Variants in MARS1 observed in about 807,000 individuals in gnomAD.
MARS1 encodes methionine--tRNA ligase, cytoplasmic.
MARS1 carries 80 observed loss-of-function variants against 119.5 expected under a neutral mutation model. The observed-to-expected ratio is 0.67, with a 90% CI of 0.56 to 0.81. The LOEUF is 0.81. Ranked by LOEUF, MARS1 falls within the 30% of genes least tolerant of loss-of-function variation. MARS1 has a pLI of 0.00. For synonymous variants in MARS1, 418 were observed against 433.4 expected (o/e 0.96, Z 0.44); for missense variants, 945 against 1,116.5 (o/e 0.85, Z 2.19).
At chr12:57,508,903 T>C (rs1311421742) in intron 11 of MARS1, among the ~76,000 whole-genome samples, 1 of 152,202 alleles carries the variant, frequency 6.6e-6, no homozygotes, top group Non-Finnish European at 1.5e-5. Context: ...ACTTTGCTCT[T>C]CGTGAACAAA....
chr12:57,512,263 G>T lies in MARS1; in HGVS notation c.1663G>T (p.Asp555Tyr). Reference sequence around the variant, plus strand: ...GGACCTGTATCAGTTCATGGCCAAAGACAATGTTCCTTTCCATAGCTTAGT... The same window carrying T: ...GGACCTGTATCAGTTCATGGCCAAATACAATGTTCCTTTCCATAGCTTAGT... ...QVDLYQFMAK[D>Y]NVPFHSLVFP... is the part of the protein sequence containing the mutation. The change falls in exon 14 of 21, where the codon GAC becomes TAC. Residue 555 changes from aspartate (D) to tyrosine (Y), a missense_variant. Coordinates refer to ENST00000262027, the MANE Select transcript of MARS1 (RefSeq NM_004990.4). The T allele has an allele frequency of 6.2e-7, 1 of 1,614,144 alleles. No individual in the cohort carries two copies. The highest frequency in any genetic ancestry group is 1.1e-5 in the South Asian group (1 of 91,084).
At chr12:57,490,482 T>G (rs1843408336) in intron 6 of MARS1, 56 bp from the exon 7 acceptor site, 1 of 1,610,356 alleles carries the variant, frequency 6.2e-7, no homozygotes, top group African/African-American at 1.3e-5. Context: ...AGGAGAAAGT[T>G]TCTTTACCCT....
chr12:57,504,053 A>C, intron 10 of MARS1, 172 bp from the exon 11 acceptor site: 1 of 601,016 alleles, frequency 1.7e-6, no homozygotes, highest in South Asian at 2.0e-5. Context: ...TATACTGAGA[A>C]GATTTGAGTC....
intron 7 of MARS1, 94 bp downstream of exon 7, chr12:57,490,738 C>T: frequency 1.2e-6 from 1 of 817,854 alleles, no homozygotes; most frequent in Non-Finnish European, 2.0e-6. Flanking sequence ...GTTTGCTGAT[C>T]TCTCTTTAAT....
In MARS1 at chr12:57,490,216, G is replaced by A. The variant is rs1468771061; in HGVS notation, c.500G>A (p.Ser167Asn). ...TCTTCCATACCCACAGAGGAGCTGA[G>A]TGCCCTGCACAGCTGGTTCCAGACA... is the stretch of plus-strand genomic sequence containing the variant. ...QDPAYLPEEL[S>N]ALHSWFQTLS... The change falls in exon 6 of 21, where the codon AGT becomes AAT. Residue 167 changes from serine to asparagine, a missense_variant. Physicochemically the swap from Ser to Asn is conservative, Grantham distance 46. Transcript: ENST00000262027. 1.9e-6 allele frequency: 3 copies of A among 1,612,826 alleles called. No homozygotes were observed. The highest frequency in any genetic ancestry group is 1.1e-5 in the South Asian group (1 of 90,938).
At chr12:57,491,701 C>T (rs1325171188) in intron 7 of MARS1, among the ~76,000 whole-genome samples, 2 of 152,108 alleles carry the variant, frequency 1.3e-5, no homozygotes, top group Non-Finnish European at 2.9e-5. Flanking sequence ...TTCACAAGGC[C>T]CCTGACTGCA....
In MARS1 at chr12:57,489,301, G is replaced by A. The variant is rs1875738455; in HGVS notation, c.235G>A (p.Asp79Asn). 6.2e-7 allele frequency: 1 copy of A among 1,613,832 alleles called. No individual in the cohort carries two copies. The highest frequency in any genetic ancestry group is 8.5e-7 in the Non-Finnish European group (1 of 1,180,014). ...FFLLSGWEQD[D>N]LTNQWLEWEA... Reference sequence around the variant, plus strand: ...TTTGTTATCTGGCTGGGAGCAAGATGACCTCACTAACCAGTGGCTGGAATG... The same window carrying A: ...TTTGTTATCTGGCTGGGAGCAAGATAACCTCACTAACCAGTGGCTGGAATG... Residue 79 changes from aspartate to asparagine, a missense_variant, in exon 3 of 21, where the codon GAC becomes AAC. Coordinates refer to ENST00000262027, the MANE Select transcript of MARS1 (RefSeq NM_004990.4).
Position 57,514,905 on chromosome 12 carries a change from AT to A in MARS1, c.2100-47del. 3 of 1,613,734 alleles carry A rather than the reference AT, an allele frequency of 1.9e-6. No individual in the cohort carries two copies. The South Asian group carries it at 3.3e-5, about 18-fold the overall frequency. ...GCTGGCATGTTGAGAGCCTCCTTGT[AT>A]TGGTCTCTGTAGGACATTACACCTT... On this transcript the variant is annotated intron_variant, in intron 16 of 20. Transcript: ENST00000262027.
At chr12:57,508,852 GC>G (rs1285204192) in intron 11 of MARS1, among the ~76,000 whole-genome samples, 24 of 152,270 alleles carry the variant, frequency 1.6e-4, no homozygotes, top group African/African-American at 5.8e-4. Context: ...GTAAGCCACT[GC>G]GCCCAGCCTT....
intron 10 of MARS1, among the ~76,000 whole-genome samples, chr12:57,503,350 C>T (rs1478086823): frequency 6.6e-6 from 1 of 151,676 alleles, no homozygotes; most frequent in East Asian, 1.9e-4. Flanking sequence ...TCTCCTGCCT[C>T]AGCCTCCTGA....
At chr12:57,492,543 T>C (rs1313687730) in intron 7 of MARS1, among the ~76,000 whole-genome samples, 2 of 150,624 alleles carry the variant, frequency 1.3e-5, no homozygotes, top group African/African-American at 2.4e-5. Context: ...CGGTGGCTCG[T>C]GCCTGTAATC....
chr12:57,514,710 C>T lies in MARS1; in HGVS notation c.1968-10C>T, dbSNP rs773836689. The T allele has an allele frequency of 6.8e-6, 11 of 1,613,894 alleles. No homozygotes were observed. The South Asian group carries it at 8.8e-5, about 13-fold the overall frequency. On this transcript the variant is annotated splice_polypyrimidine_tract_variant and intron_variant, in intron 15 of 20. Transcript: ENST00000262027. ...TTTTTTCCACTTCTGCTTTCCTACT[C>T]CCAACCAAGAGCTGGGATGTTTGTG...
chr12:57,495,486 G>A (rs1451010737), intron 7 of MARS1, among the ~76,000 whole-genome samples: 1 of 151,812 alleles, frequency 6.6e-6, no homozygotes, highest in African/African-American at 2.4e-5. Context: ...ACAGGTTGAC[G>A]GCGGGGAAGA....
chr12:57,511,581 T>C, intron 11 of MARS1, 117 bp from the exon 12 acceptor site: 3 of 1,023,078 alleles, frequency 2.9e-6, no homozygotes, highest in Non-Finnish European at 4.4e-6. Flanking sequence ...AGACTCTGTC[T>C]CCAAAAAAAA....
intron 1 of MARS1, chr12:57,488,438 G>A (rs1224696100): frequency 1.1e-6 from 1 of 887,154 alleles, no homozygotes; most frequent in Non-Finnish European, 1.7e-6. Flanking sequence ...CCGTCTTCCC[G>A]GTCCCCGCCT....
chr12:57,500,995 A>G (rs1222744600), intron 10 of MARS1, among the ~76,000 whole-genome samples: 1 of 152,260 alleles, frequency 6.6e-6, no homozygotes, highest in African/African-American at 2.4e-5. Context: ...ATGATATAGA[A>G]TAAACTGCCA....
chr12:57,512,975 G>C lies in MARS1; in HGVS notation c.1967+11G>C. ...CAACTTCATCAACAGGTAGGACTTGGTAAGGGGTCAGAGTTAGCAGTGAGC... is the reference window on the plus strand; with the variant it reads ...CAACTTCATCAACAGGTAGGACTTGCTAAGGGGTCAGAGTTAGCAGTGAGC... On this transcript the variant is annotated intron_variant, in intron 15 of 20. Transcript: ENST00000262027. 4 of 1,613,022 alleles carry C rather than the reference G, an allele frequency of 2.5e-6. No individual in the cohort carries two copies. Among genetic ancestry groups the C allele is most frequent in the Non-Finnish European group, 3.4e-6 (4 of 1,178,968 alleles).
chr12:57,511,717 A>G lies in MARS1; in HGVS notation c.1388A>G (p.Glu463Gly), dbSNP rs149432418. Residue 463 changes from glutamate (E) to glycine (G), a missense_variant, in exon 12 of 21, where the codon GAG becomes GGG. Coordinates refer to ENST00000262027, the MANE Select transcript of MARS1 (RefSeq NM_004990.4). ...DLPKLEKRLEEWLGRTLPGSD... is the reference protein window; with the variant it reads ...DLPKLEKRLEGWLGRTLPGSD... ...TCTCAGCTGGAGAAGCGACTGGAGG[A>G]GTGGTTGGGGAGGACATTGCCTGGC... 4.0e-5 allele frequency: 65 copies of G among 1,614,140 alleles called. No individual in the cohort carries two copies. In the African/African-American group the frequency reaches 7.6e-4, roughly 19 times the overall value.
Position 57,490,254 on chromosome 12 carries a change from G to T in MARS1, c.538G>T (p.Glu180Ter). The change falls in exon 6 of 21, where the codon GAA becomes TAA. Residue 180 changes from glutamate to a stop codon, truncating the protein, a stop_gained. Transcript: ENST00000262027. LOFTEE classifies it high-confidence loss of function. ...CTGGTTCCAGACACTGAGTACCCAG[G>T]AACCATGTCAGCGAGCTGCAGAGAC... is the stretch of plus-strand genomic sequence containing the variant. ...HSWFQTLSTQEPCQRAAETVL... is the reference protein window; with the variant it reads ...HSWFQTLSTQ The T allele has an allele frequency of 1.2e-6, 2 of 1,613,844 alleles. No individual in the cohort carries two copies. The highest frequency in any genetic ancestry group is 1.7e-6 in the Non-Finnish European group (2 of 1,180,028).
Sources: allele counts gnomAD v4.1 joint callset (sites outside exome capture counted in the v4.1 genomes callset), GRCh38; gene constraint gnomAD v4.1.1; transcripts MANE v1.5; gene names NCBI Gene and HGNC (gene_info 2026-07-23, HGNC 2026-07-21).